The following NAA11 variants were observed in gnomAD, a reference collection of about 807,000 sequenced individuals.
NAA11 encodes the protein N-alpha-acetyltransferase 11.
NAA11 carries 15 observed loss-of-function variants against 16.1 expected under a neutral mutation model. The observed-to-expected ratio is 0.93, with a 90% CI of 0.62 to 1.44. NAA11 has a LOEUF of 1.44. Among genes scored for constraint, NAA11 ranks in the 40% most tolerant of loss-of-function variants. NAA11 has a pLI of 0.00. For synonymous variants in NAA11, 122 were observed against 112.4 expected, an observed-to-expected ratio of 1.09 and a Z score of -0.54; for missense variants, 298 against 291.3, an observed-to-expected ratio of 1.02 and a Z score of -0.17.
At chr4:79,265,224 C>T (rs1374423505) in intron 2 of NAA11, among the ~76,000 whole-genome samples, 2 of 152,152 alleles carry the variant, frequency 1.3e-5, no homozygotes, top group Non-Finnish European at 2.9e-5. Context: ...TTTTCCTCTA[C>T]TTCTGTTAAT....
chr4:79,260,985 T>C (rs1449828926), intron 2 of NAA11, among the ~76,000 whole-genome samples: 2 of 152,194 alleles, frequency 1.3e-5, no homozygotes, highest in African/African-American at 4.8e-5. Context: ...CTTAGAGCTA[T>C]ATGTCATTTT....
chr4:79,251,676 A>T (rs1040533967), intron 2 of NAA11, among the ~76,000 whole-genome samples: 11 of 152,206 alleles, frequency 7.2e-5, no homozygotes, highest in African/African-American at 1.2e-4. Flanking sequence ...TTCTAAAAAA[A>T]AATAATAATA....
chr4:79,296,544 T>C (rs532140543), intron 1 of NAA11, among the ~76,000 whole-genome samples: 1 of 152,340 alleles, frequency 6.6e-6, no homozygotes, highest in Admixed American at 6.5e-5. Flanking sequence ...GCCTTCCTTA[T>C]CTGGGAAAGA....
chr4:79,199,484 C>T, the NAA11 span, among the ~76,000 whole-genome samples: 985 of 151,886 alleles, frequency 6.5e-3, 4 homozygotes, highest in Non-Finnish European at 0.011. Context: ...ACTAGCAGGT[C>T]AGGCAAAATG....
chr4:79,248,957 G>A (rs540727944), intron 2 of NAA11, among the ~76,000 whole-genome samples: 2 of 152,276 alleles, frequency 1.3e-5, no homozygotes, highest in South Asian at 2.1e-4. Flanking sequence ...ACCACCCATT[G>A]GAATGTTGTG....
At chr4:79,297,477 C>A (rs1723257015) in intron 1 of NAA11, among the ~76,000 whole-genome samples, 1 of 152,188 alleles carries the variant, frequency 6.6e-6, no homozygotes, top group South Asian at 2.1e-4. Context: ...GCACTTTGCA[C>A]CCTCAGGAGC....
At chr4:79,215,224 A>G in the NAA11 span, among the ~76,000 whole-genome samples, 2 of 152,210 alleles carry the variant, frequency 1.3e-5, no homozygotes, top group Non-Finnish European at 2.9e-5. Flanking sequence ...AAGGATTAAT[A>G]TGCCTTGTAT....
chr4:79,313,428 A>G (rs557946999), downstream of NAA11, among the ~76,000 whole-genome samples: 14 of 152,302 alleles, frequency 9.2e-5, no homozygotes, highest in Admixed American at 3.3e-4. Flanking sequence ...TTCTCACTCT[A>G]TTGAACCACC....
chr4:79,224,949 T>C (rs1184792833), downstream of NAA11, among the ~76,000 whole-genome samples: 1 of 151,894 alleles, frequency 6.6e-6, no homozygotes, highest in African/African-American at 2.4e-5. Context: ...ATTGTCAAGA[T>C]CATGAAAAAC....
chr4:79,181,227 T>TAAA, the NAA11 span, among the ~76,000 whole-genome samples: 1 of 128,982 alleles, frequency 7.8e-6, no homozygotes, highest in Non-Finnish European at 1.7e-5. Flanking sequence ...CTTAAAGTAT[T>TAAA]AAAAAAAAAA....
At chr4:79,187,110 T>C in the NAA11 span, among the ~76,000 whole-genome samples, 1 of 152,230 alleles carries the variant, frequency 6.6e-6, no homozygotes, top group Non-Finnish European at 1.5e-5. Context: ...TTACATTTGG[T>C]TTGTCAGCTT....
chr4:79,207,545 C>T, the NAA11 span, among the ~76,000 whole-genome samples: 1 of 152,030 alleles, frequency 6.6e-6, no homozygotes, highest in African/African-American at 2.4e-5. Flanking sequence ...AGAAACCAAG[C>T]CTGCTGGCAT....
chr4:79,166,378 G>A, the NAA11 span, among the ~76,000 whole-genome samples: 1 of 151,638 alleles, frequency 6.6e-6, no homozygotes, highest in African/African-American at 2.4e-5. Flanking sequence ...AAGAGGCAGG[G>A]TTTTACTTTG....
chr4:79,221,258 C>G (rs1366902357), downstream of NAA11, among the ~76,000 whole-genome samples: 1 of 151,930 alleles, frequency 6.6e-6, no homozygotes, highest in Admixed American at 6.6e-5. Flanking sequence ...TGCTTATCAG[C>G]TTAAGGAGAT....
downstream of NAA11, among the ~76,000 whole-genome samples, chr4:79,313,204 T>C (rs1224209704): frequency 6.6e-6 from 1 of 152,036 alleles, no homozygotes; most frequent in African/African-American, 2.4e-5. Context: ...GGGGTAAAAA[T>C]GTCTAAAAGT....
intron 2 of NAA11, among the ~76,000 whole-genome samples, chr4:79,283,149 G>C (rs1010820102): frequency 6.6e-6 from 1 of 152,066 alleles, no homozygotes; most frequent in Non-Finnish European, 1.5e-5. Context: ...AAAGCCTACA[G>C]GAATTAGTTG....
intron 1 of NAA11, among the ~76,000 whole-genome samples, chr4:79,309,714 C>CTTTTTTTTTTT (rs71662804): frequency 1.5e-4 from 12 of 81,422 alleles, no homozygotes; most frequent in East Asian, 3.8e-4. Flanking sequence ...TTTTTTTTTT[C>CTTTTTTTTTTT]TTTTTTTTTT....
the NAA11 span, among the ~76,000 whole-genome samples, chr4:79,161,776 G>A: frequency 1.1e-4 from 17 of 151,708 alleles, no homozygotes; most frequent in Non-Finnish European, 1.8e-4. Flanking sequence ...CCGGCCTCCC[G>A]GGTTCAAGTG....
rs1265707473 is a variant in NAA11, at chr4:79,316,688, C to T, written c.*1116G>A. Reference sequence around the variant, plus strand: ...AACTTTTACTGCAGAGGTCAAGGTACTTTGTCTTCACTTATTTTTACTAGA... The same window carrying T: ...AACTTTTACTGCAGAGGTCAAGGTATTTTGTCTTCACTTATTTTTACTAGA... On this transcript the variant is annotated 3_prime_UTR_variant, in exon 2 of 2. Coordinates refer to ENST00000286794, the MANE Select transcript of NAA11 (RefSeq NM_032693.3). 6.6e-6 allele frequency: 1 copy of T among 152,120 alleles called. No individual in the cohort carries two copies. Among genetic ancestry groups the T allele is most frequent in the African/African-American group, 2.4e-5 (1 of 41,424 alleles). 9.4% of individuals were successfully genotyped at this position (152,120 alleles called of 1,614,324 possible).
Sources: allele counts gnomAD v4.1 joint callset (sites outside exome capture counted in the v4.1 genomes callset), GRCh38; gene constraint gnomAD v4.1.1; transcripts MANE v1.5; gene names NCBI Gene and HGNC (gene_info 2026-07-23, HGNC 2026-07-21).